Variants in BRME1 observed in about 807,000 individuals in gnomAD.
BRME1 encodes the protein BRCA2 and MEILB2-associating protein 1.
In BRME1, 31 loss-of-function variants were observed where a neutral mutation model predicts 52.6. That is an observed-to-expected ratio of 0.59 (90% CI 0.44 to 0.80). BRME1 has a LOEUF of 0.80. Among genes scored for constraint, BRME1 ranks in the 30% least tolerant of loss-of-function variants. The pLI is 0.00. For missense variants in BRME1, 804 were observed against 860.3 expected (o/e 0.93, Z 0.82); for synonymous variants, 359 against 353.6 (o/e 1.02, Z -0.17).
In BRME1 at chr19:13,892,662, C is replaced by T. The variant is rs1029774601; in HGVS notation, c.393+124G>A. ...CATCCATAGCGCAATGTACTGAAAA[C>T]GGTGGGTGGAGAGGTGCAGGCCTCA... On this transcript the variant is annotated intron_variant, in intron 5 of 8. Transcript: ENST00000586783. 3.9e-5 allele frequency: 26 copies of T among 673,842 alleles called. No individual in the cohort carries two copies. The Admixed American group carries it at 4.0e-4, about 10-fold the overall frequency. 41.7% of individuals were successfully genotyped at this position (673,842 alleles called of 1,614,324 possible). A position where few individuals can be genotyped will look rare whatever the true frequency, so the allele number is the denominator to read the frequency against.
chr19:13,882,887 T>G lies in BRME1; in HGVS notation c.1922A>C (p.Lys641Thr). 2 of 1,613,858 alleles carry G rather than the reference T, an allele frequency of 1.2e-6. No individual in the cohort carries two copies. Among genetic ancestry groups the G allele is most frequent in the Non-Finnish European group, 1.7e-6 (2 of 1,179,968 alleles). ...AGGCAGGGGGGCTTTGCCTCCCAGC[T>G]TTGTCTTCCGGTAGTTAAGGCGCTT... ...AFKRLNYRKT[K>T]LGGKAPLPYP... The change falls in exon 9 of 9, where the codon AAG (lysine) becomes ACG (threonine). Residue 641 changes from lysine (K) to threonine (T), a missense_variant. Lys to Thr is a moderately conservative substitution (Grantham distance 78, BLOSUM62 -1). Coordinates refer to ENST00000586783, the MANE Select transcript of BRME1 (RefSeq NM_001345843.2).
intron 7 of BRME1, chr19:13,884,927 G>A (rs534176518): frequency 6.6e-6 from 1 of 152,604 alleles, no homozygotes; most frequent in Admixed American, 6.5e-5. Flanking sequence ...GGGGCCCTCT[G>A]GGAGCTTCCA....
intron 2 of BRME1, among the ~76,000 whole-genome samples, chr19:13,902,712 A>G (rs1970382205): frequency 6.6e-6 from 1 of 151,796 alleles, no homozygotes; most frequent in Non-Finnish European, 1.5e-5. Context: ...CGGGCAGATC[A>G]CCTGAGGTTG....
At chr19:13,892,099 C>CA (rs1568381860) in intron 5 of BRME1, among the ~76,000 whole-genome samples, 1 of 150,268 alleles carries the variant, frequency 6.7e-6, no homozygotes, top group Non-Finnish European at 1.5e-5. Context: ...ATTGTAGAGA[C>CA]AGAGTCTTGC....
chr19:13,888,529 G>A lies in BRME1; in HGVS notation c.1668+659C>T, dbSNP rs1191819229. On this transcript the variant is annotated intron_variant, in intron 6 of 8. Coordinates refer to ENST00000586783, the MANE Select transcript of BRME1 (RefSeq NM_001345843.2). This position sits in a 1 kb window ranked among gnomAD's most constrained non-coding sequence, Gnocchi z 4.1. Reference sequence around the variant, plus strand: ...CCCTGGGGGGCAGGGCTGAAGCAAGGCTGCCATCTGCCCAGACAGGAGAAT... The same window carrying A: ...CCCTGGGGGGCAGGGCTGAAGCAAGACTGCCATCTGCCCAGACAGGAGAAT... The A allele has an allele frequency of 2.6e-5, 4 of 152,280 alleles. No individual in the cohort carries two copies. The highest frequency in any genetic ancestry group is 5.9e-5 in the Non-Finnish European group (4 of 68,074). 9.4% of individuals were successfully genotyped at this position (152,280 alleles called of 1,614,324 possible).
chr19:13,893,828 G>A (rs1969692021), intron 3 of BRME1, among the ~76,000 whole-genome samples: 2 of 151,822 alleles, frequency 1.3e-5, no homozygotes, highest in South Asian at 2.1e-4. Flanking sequence ...GAAATGTCAC[G>A]ATCATCTGAG....
intron 3 of BRME1, among the ~76,000 whole-genome samples, chr19:13,895,126 C>G (rs1360047879): frequency 6.6e-6 from 1 of 151,992 alleles, no homozygotes; most frequent in Non-Finnish European, 1.5e-5. Flanking sequence ...TGATCTTCCC[C>G]CCTCGGCCTC....
At chr19:13,900,856 C>T (rs1236977329) in intron 2 of BRME1, among the ~76,000 whole-genome samples, 1 of 151,892 alleles carries the variant, frequency 6.6e-6, no homozygotes, top group Non-Finnish European at 1.5e-5. Flanking sequence ...GTTTTTAGTA[C>T]AGATGGGGTT....
chr19:13,899,850 AAAT>A (rs1439847105), intron 2 of BRME1, among the ~76,000 whole-genome samples: 2 of 152,080 alleles, frequency 1.3e-5, no homozygotes, highest in Non-Finnish European at 2.9e-5. Context: ...CAAATACAAA[AAAT>A]TAGCCAGGTG....
In BRME1 at chr19:13,888,565, G is replaced by A. The variant is rs1363103876; in HGVS notation, c.1668+623C>T. Among the ~76,000 whole-genome samples, 2 of 152,244 alleles carry A rather than the reference G, an allele frequency of 1.3e-5. No homozygotes were observed. The highest frequency in any genetic ancestry group is 2.4e-5 in the African/African-American group (1 of 41,464). On this transcript the variant is annotated intron_variant, in intron 6 of 8. Coordinates refer to ENST00000586783, the MANE Select transcript of BRME1 (RefSeq NM_001345843.2). The surrounding 1 kb of genome is among the most constrained non-coding windows in gnomAD (Gnocchi z 4.1). Reference sequence around the variant, plus strand: ...CCCAGACAGGAGAATGAACGCCAACGGCTGGCACCGGCTCTGGAGCCAGAG... The same window carrying A: ...CCCAGACAGGAGAATGAACGCCAACAGCTGGCACCGGCTCTGGAGCCAGAG...
In BRME1 at chr19:13,882,775, C is replaced by A; in HGVS notation, c.*27G>T. Reference sequence around the variant, plus strand: ...GTCTGCGGACATGGGGGCTGGGTGGCAAAGGAAACACAGACCTCAAAGTGG... The same window carrying A: ...GTCTGCGGACATGGGGGCTGGGTGGAAAAGGAAACACAGACCTCAAAGTGG... On this transcript the variant is annotated 3_prime_UTR_variant, in exon 9 of 9. Transcript: ENST00000586783. 1 of 1,612,530 alleles carries A rather than the reference C, an allele frequency of 6.2e-7. No individual in the cohort carries two copies. Among genetic ancestry groups the A allele is most frequent in the Non-Finnish European group, 8.5e-7 (1 of 1,179,586 alleles).
At position 13,888,082 on chromosome 19, in the gene BRME1, G is replaced by A. The variant is rs541292962; in HGVS notation, c.1668+1106C>T. On this transcript the variant is annotated intron_variant, in intron 6 of 8. Coordinates refer to ENST00000586783, the MANE Select transcript of BRME1 (RefSeq NM_001345843.2). This position sits in a 1 kb window ranked among gnomAD's most constrained non-coding sequence, Gnocchi z 4.1. The stretch of plus-strand genomic sequence containing the variant: ...TGGGATTAGAGGCACACGCCACCAT[G>A]CCCAGCTAATTTTTGTATTTTGGTA... Among the ~76,000 whole-genome samples the A allele has an allele frequency of 1.3e-5, 2 of 152,230 alleles. No individual in the cohort carries two copies. Among genetic ancestry groups the A allele is most frequent in the African/African-American group, 4.8e-5 (2 of 41,534 alleles).
intron 2 of BRME1, among the ~76,000 whole-genome samples, chr19:13,897,040 CTT>C (rs35686337): frequency 6.8e-5 from 9 of 133,274 alleles, no homozygotes; most frequent in Admixed American, 1.5e-4. Flanking sequence ...TACATCGAAA[CTT>C]TTTTTTTTTT....
intron 7 of BRME1, among the ~76,000 whole-genome samples, chr19:13,884,244 G>A (rs1247844190): frequency 6.6e-6 from 1 of 152,196 alleles, no homozygotes; most frequent in African/African-American, 2.4e-5. Flanking sequence ...GGAGGATGAA[G>A]TGGGAGGATC....
At chr19:13,897,185 C>G (rs1471894714) in intron 2 of BRME1, among the ~76,000 whole-genome samples, 1 of 151,816 alleles carries the variant, frequency 6.6e-6, no homozygotes, top group South Asian at 2.1e-4. Flanking sequence ...ACCACAGGCA[C>G]GCACCACCAC....
intron 2 of BRME1, among the ~76,000 whole-genome samples, chr19:13,898,056 G>A (rs543891700): frequency 8.6e-4 from 130 of 151,834 alleles, no homozygotes; most frequent in African/African-American, 2.8e-3. Context: ...CCAAGATGGC[G>A]CCACTGCACT....
intron 2 of BRME1, among the ~76,000 whole-genome samples, chr19:13,896,702 T>C (rs1969926525): frequency 6.7e-6 from 1 of 149,920 alleles, no homozygotes; most frequent in African/African-American, 2.4e-5. Flanking sequence ...ATATTTTTTC[T>C]TTTTTTAAGA....
In BRME1 at chr19:13,883,669, C is replaced by G. The variant is rs1343781144; in HGVS notation, c.1764-269G>C. The G allele has an allele frequency of 7.1e-6, 3 of 423,944 alleles. No homozygotes were observed. The highest frequency in any genetic ancestry group is 2.0e-5 in the African/African-American group (1 of 49,984). The allele number at this position is 423,944 out of a possible 1,614,324, so 26.3% of individuals were successfully genotyped here. On this transcript the variant is annotated intron_variant, in intron 7 of 8. Coordinates refer to ENST00000586783, the MANE Select transcript of BRME1 (RefSeq NM_001345843.2). This position sits in a 1 kb window ranked among gnomAD's most constrained non-coding sequence, Gnocchi z 4.2. ...TCTCCTGCCCCTGTGGCTTGTCCCCCACAGGCACTGGGGGCTGTGAACTTG... is the reference window on the plus strand; with the variant it reads ...TCTCCTGCCCCTGTGGCTTGTCCCCGACAGGCACTGGGGGCTGTGAACTTG...
Position 13,889,240 on chromosome 19 carries a change from C to A in BRME1, c.1616G>T (p.Ser539Ile), listed in dbSNP as rs369132888. 1 of 1,612,940 alleles carries A rather than the reference C, an allele frequency of 6.2e-7. No homozygotes were observed. The highest frequency in any genetic ancestry group is 1.3e-5 in the African/African-American group (1 of 75,034). The change falls in exon 6 of 9, where the codon AGC becomes ATC. Residue 539 changes from serine (S) to isoleucine (I), a missense_variant. Physicochemically the swap from Ser to Ile is moderately radical, Grantham distance 142. Transcript: ENST00000586783. Reference sequence around the variant, plus strand: ...GGCGTCCAGGGCATCCTGTATCTGGCTGTCCAGCAGGAAGTCGAGTTCCAC... The same window carrying A: ...GGCGTCCAGGGCATCCTGTATCTGGATGTCCAGCAGGAAGTCGAGTTCCAC... ...LAVELDFLLD[S>I]QIQDALDASD...
Sources: gnomAD v4.1 joint callset for allele counts (sites outside exome capture counted in the v4.1 genomes callset) on GRCh38, gnomAD v4.1.1 for gene constraint, Gnocchi (gnomAD v3.1) non-coding constraint, MANE v1.5 for transcripts, NCBI Gene and HGNC (gene_info 2026-07-23, HGNC 2026-07-21) for gene names.